Variants in AKAP13 observed in about 807,000 individuals in gnomAD.
The protein encoded by AKAP13 is A-kinase anchoring protein 13.
In AKAP13, 80 loss-of-function variants were observed where a neutral mutation model predicts 264.5. The ratio of observed to expected loss-of-function variants is 0.30; its 90% CI spans 0.25 to 0.36. The LOEUF (loss-of-function observed/expected upper bound fraction) is 0.36, where lower values mean the gene tolerates loss of function less well. AKAP13 is among the 10% of genes least tolerant of loss of function. The pLI is 1.00. For synonymous variants in AKAP13, 1,380 were observed against 1,250.2 expected (o/e 1.10, Z -2.19); for missense variants, 3,712 against 3,435.2 (o/e 1.08, Z -2.01).
rs1316885600 is a variant in AKAP13 at position 85,564,692 on chromosome 15, T to G, written c.663-10439T>G. On this transcript the variant is annotated intron_variant, in intron 5 of 36. Coordinates refer to ENST00000394518, the MANE Select transcript of AKAP13 (RefSeq NM_007200.5). ...ATTGGGTTGTATTAGAATTACTTCCTTAGATTATCTGTCTCTTCAGAGAGT... is the reference window on the plus strand; with the variant it reads ...ATTGGGTTGTATTAGAATTACTTCCGTAGATTATCTGTCTCTTCAGAGAGT... Among the ~76,000 whole-genome samples the G allele has an allele frequency of 2.0e-5, 3 of 152,194 alleles. No individual in the cohort carries two copies. The East Asian group carries it at 5.8e-4, about 29-fold the overall frequency.
rs186912946 is a variant in AKAP13 at position 85,644,079 on chromosome 15, A to T, written c.4238-1739A>T. Among the ~76,000 whole-genome samples the T allele has an allele frequency of 7.6e-4, 116 of 152,166 alleles. 1 individual carries two copies. The highest frequency in any genetic ancestry group is 1.7e-3 in the East Asian group (9 of 5,176). ...TGAATTTGCTTCCCCCAAAACCTCC[A>T]AGTAGAGTTCTCTTTAACTCCTAGA... On this transcript the variant is annotated intron_variant, in intron 9 of 36. Transcript: ENST00000394518.
chr15:85,408,017 G>A (rs2150860880), intron 1 of AKAP13, among the ~76,000 whole-genome samples: 1 of 151,816 alleles, frequency 6.6e-6, no homozygotes, highest in African/African-American at 2.4e-5. Flanking sequence ...GTAGATGGTG[G>A]GAATTAGGAG....
chr15:85,458,628 G>A (rs939321299), intron 1 of AKAP13, among the ~76,000 whole-genome samples: 3 of 151,862 alleles, frequency 2.0e-5, no homozygotes, highest in Non-Finnish European at 2.9e-5. Context: ...TACCTAATAC[G>A]TATTAGACAG....
At chr15:85,410,158 T>C (rs897817175) in intron 1 of AKAP13, among the ~76,000 whole-genome samples, 1 of 151,464 alleles carries the variant, frequency 6.6e-6, no homozygotes, top group Non-Finnish European at 1.5e-5. Flanking sequence ...CTCCTTCCTT[T>C]CTTTTTCATG....
rs573704194 is a variant in AKAP13, at chr15:85,659,426, T to C, written c.4799+836T>C. ...GGGCAAATAGTGATCTTTCCTACTT[T>C]GTCTTTTTCAAGTGGATGCTTTCTT... On this transcript the variant is annotated intron_variant, in intron 12 of 36. Coordinates refer to ENST00000394518, the MANE Select transcript of AKAP13 (RefSeq NM_007200.5). 2.3e-4 allele frequency among the ~76,000 whole-genome samples: 35 copies of C among 152,332 alleles called. No individual in the cohort carries two copies. The East Asian group carries it at 5.0e-3, about 22-fold the overall frequency.
At chr15:85,573,508 G>T (rs1254593620) in intron 5 of AKAP13, among the ~76,000 whole-genome samples, 1 of 151,678 alleles carries the variant, frequency 6.6e-6, no homozygotes, top group African/African-American at 2.4e-5. Context: ...TCGCACCACC[G>T]CACTCCAGCC....
chr15:85,652,483 T>C (rs1379256470), intron 10 of AKAP13, among the ~76,000 whole-genome samples: 2 of 152,248 alleles, frequency 1.3e-5, no homozygotes, highest in African/African-American at 4.8e-5. Context: ...TTTTGTGTGT[T>C]TTAGAACAGG....
chr15:85,677,804 G>A (rs60349691), intron 14 of AKAP13, among the ~76,000 whole-genome samples: 11,399 of 151,830 alleles, frequency 0.075, 695 homozygotes, highest in East Asian at 0.17. Flanking sequence ...CCGCCACCAC[G>A]CCCAGCTAAT....
At chr15:85,495,025 T>TA (rs1367011537) in intron 2 of AKAP13, among the ~76,000 whole-genome samples, 3 of 152,322 alleles carry the variant, frequency 2.0e-5, no homozygotes, top group African/African-American at 7.2e-5. Flanking sequence ...GAAATTCCTC[T>TA]ATAGTGAAGG....
At position 85,688,916 on chromosome 15, in the gene AKAP13, A is replaced by G. The variant is rs140717003; in HGVS notation, c.5289+4043A>G. 1.8e-3 allele frequency among the ~76,000 whole-genome samples: 269 copies of G among 152,302 alleles called. 1 individual carries two copies. The highest frequency in any genetic ancestry group is 2.1e-3 in the Non-Finnish European group (143 of 68,010). On this transcript the variant is annotated intron_variant, in intron 16 of 36. Coordinates refer to ENST00000394518, the MANE Select transcript of AKAP13 (RefSeq NM_007200.5). ...TTGAGAGATAGTGCTGTTTCCTGCT[A>G]AGTAATTTTGCGTGTTACAGAGTAT...
intron 14 of AKAP13, among the ~76,000 whole-genome samples, chr15:85,676,315 A>G (rs2084226877): frequency 6.6e-6 from 1 of 152,218 alleles, no homozygotes; most frequent in Admixed American, 6.5e-5. Context: ...GCTGGAAGAC[A>G]AAGTGAAGAA....
chr15:85,677,947 C>T (rs913888587), intron 14 of AKAP13, among the ~76,000 whole-genome samples: 23 of 152,078 alleles, frequency 1.5e-4, no homozygotes, highest in African/African-American at 4.6e-4. Context: ...AGCGCCCAGC[C>T]GGAGTTATAT....
rs2087134835 is a variant in AKAP13, at chr15:85,719,234, C to A, written c.6160C>A (p.Gln2054Lys). ...ELISIHSQFF[Q>K]RILERKKESL... is the part of the protein sequence containing the mutation. ...GATCAGTATCCATAGCCAATTCTTC[C>A]AGAGGATTCTGGAGCGGAAGAAGGA... The change falls in exon 23 of 37, where the codon CAG (glutamine) becomes AAG (lysine). Residue 2054 changes from glutamine to lysine, a missense_variant. Physicochemically the swap from Gln to Lys is moderately conservative, Grantham distance 53 (BLOSUM62 1). Around this residue, in one of 3 missense-constraint regions of AKAP13, gnomAD observed 342 missense variants for 484.3 expected, o/e 0.71. Transcript: ENST00000394518. 1.2e-6 allele frequency: 2 copies of A among 1,614,126 alleles called. No individual in the cohort carries two copies. Among genetic ancestry groups the A allele is most frequent in the African/African-American group, 2.7e-5 (2 of 75,016 alleles).
chr15:85,381,148 C>G (rs935835422), intron 1 of AKAP13, among the ~76,000 whole-genome samples: 1 of 152,068 alleles, frequency 6.6e-6, no homozygotes, highest in Non-Finnish European at 1.5e-5. Flanking sequence ...AGCGAGGCCC[C>G]GAATCCTTGC....
At chr15:85,520,359 G>T (rs898213099) in intron 2 of AKAP13, among the ~76,000 whole-genome samples, 2 of 151,770 alleles carry the variant, frequency 1.3e-5, no homozygotes, top group African/African-American at 2.4e-5. Context: ...TTAGCTGGGC[G>T]TGGTGGTGGG....
chr15:85,442,422 AAAT>A (rs1488099798), intron 1 of AKAP13, among the ~76,000 whole-genome samples: 81 of 70,032 alleles, frequency 1.2e-3, no homozygotes, highest in Admixed American at 5.8e-3. Flanking sequence ...AAAAAAAAAA[AAAT>A]ATATATATAT....
At chr15:85,413,047 G>A (rs184808232) in intron 1 of AKAP13, among the ~76,000 whole-genome samples, 44 of 152,318 alleles carry the variant, frequency 2.9e-4, no homozygotes, top group Non-Finnish European at 4.9e-4. Flanking sequence ...TTGAAAGCCT[G>A]CGCTTTTCAT....
At chr15:85,540,840 T>C (rs1402889669) in intron 4 of AKAP13, among the ~76,000 whole-genome samples, 1 of 152,224 alleles carries the variant, frequency 6.6e-6, no homozygotes, top group African/African-American at 2.4e-5. Context: ...GGTATATGCA[T>C]GCGGTGGACT....
At chr15:85,728,011 T>G (rs1364520110) in intron 29 of AKAP13, among the ~76,000 whole-genome samples, 2 of 152,188 alleles carry the variant, frequency 1.3e-5, no homozygotes, top group African/African-American at 4.8e-5. Context: ...AACACAGGCA[T>G]TCTAATCCCC....
Sources: allele counts gnomAD v4.1 joint callset (sites outside exome capture counted in the v4.1 genomes callset), GRCh38; gene constraint gnomAD v4.1.1; regional missense constraint gnomAD v4.1.1; transcripts MANE v1.5; gene names NCBI Gene and HGNC (gene_info 2026-07-23, HGNC 2026-07-21).